The following ATG12 variants were observed in gnomAD, a reference collection of about 807,000 sequenced individuals.
ATG12 encodes the protein ubiquitin-like protein ATG12.
ATG12 carries 19 observed loss-of-function variants against 17.6 expected under a neutral mutation model. That is an observed-to-expected ratio of 1.08 (90% CI 0.75 to 1.58). ATG12 has a LOEUF of 1.58. Ranked by LOEUF, ATG12 falls within the 40% of genes most tolerant of loss-of-function variation. The probability of loss-of-function intolerance (pLI) is 0.00; values close to 1 mark genes in which losing one functional copy is unlikely to be tolerated. For missense variants in ATG12, 214 were observed against 162.0 expected, an observed-to-expected ratio of 1.32 and a Z score of -1.74; for synonymous variants, 75 against 62.4, an observed-to-expected ratio of 1.20 and a Z score of -0.95.
chr5:115,835,545 AT>A (rs1294781674), intron 2 of ATG12, among the ~76,000 whole-genome samples: 3 of 151,280 alleles, frequency 2.0e-5, no homozygotes, highest in Non-Finnish European at 4.4e-5. Context: ...TTCAATTTTC[AT>A]TTCACTTCCT....
At position 115,836,504 on chromosome 5, in the gene ATG12, G is replaced by A. The variant is rs191878033; in HGVS notation, c.300+1124C>T. Among the ~76,000 whole-genome samples the A allele has an allele frequency of 3.2e-3, 485 of 152,192 alleles. 1 individual carries two copies. Among genetic ancestry groups the A allele is most frequent in the South Asian group, 4.8e-3 (23 of 4,826 alleles). On this transcript the variant is annotated intron_variant, in intron 2 of 3. Coordinates refer to ENST00000509910, the MANE Select transcript of ATG12 (RefSeq NM_004707.4). ...TCCATTTAGCTTCACTTTTGTGAGA[G>A]CACTTGCAGCCAAACTCTTAGATCA...
intron 1 of ATG12, chr5:115,840,522 T>A: frequency 6.4e-6 from 6 of 933,346 alleles, no homozygotes; most frequent in South Asian, 1.5e-5. Context: ...GGTCTCGAAC[T>A]CTTGACCTCA....
intron 1 of ATG12, 131 bp from the exon 2 acceptor site, chr5:115,837,895 G>C: frequency 2.7e-6 from 2 of 731,244 alleles, no homozygotes; most frequent in Non-Finnish European, 4.0e-6. Context: ...GAAGATATGT[G>C]AGAGATGTAA....
intron 1 of ATG12, chr5:115,840,817 C>G (rs1761385073): frequency 3.3e-5 from 40 of 1,228,904 alleles, no homozygotes; most frequent in Non-Finnish European, 4.1e-5. Context: ...AAATAACTCA[C>G]AAAGGTTCCA....
At chr5:115,834,886 G>A (rs1336886551) in intron 2 of ATG12, 3 of 152,130 alleles carry the variant, frequency 2.0e-5, no homozygotes, top group Non-Finnish European at 4.4e-5. Flanking sequence ...TACTTCAGAT[G>A]TTTTTTCAAT....
Position 115,836,452 on chromosome 5 carries a change from A to C in ATG12, c.300+1176T>G, listed in dbSNP as rs116294242. Reference sequence around the variant, plus strand: ...ATGCAGCCTCTGCTCATTTCTCTCAAGTGTATGTCCTCATTCCCCTGACTT... The same window carrying C: ...ATGCAGCCTCTGCTCATTTCTCTCACGTGTATGTCCTCATTCCCCTGACTT... On this transcript the variant is annotated intron_variant, in intron 2 of 3. Transcript: ENST00000509910. 3.1e-3 allele frequency among the ~76,000 whole-genome samples: 467 copies of C among 152,260 alleles called. 3 individuals are homozygous for C. Among genetic ancestry groups the C allele is most frequent in the African/African-American group, 0.011 (446 of 41,540 alleles).
chr5:115,834,744 A>T (rs905973854), intron 2 of ATG12, among the ~76,000 whole-genome samples: 1 of 152,162 alleles, frequency 6.6e-6, no homozygotes, highest in Non-Finnish European at 1.5e-5. Context: ...CTTTGCTGTC[A>T]AAGTTTGACG....
At chr5:115,834,783 T>C (rs1010158203) in intron 2 of ATG12, 11 of 152,340 alleles carry the variant, frequency 7.2e-5, no homozygotes, top group African/African-American at 2.6e-4. Context: ...TCATGCCCTC[T>C]TTCCCGTCCC....
chr5:115,841,230 C>A (rs898882501), intron 1 of ATG12, 160 bp downstream of exon 1: 4 of 898,706 alleles, frequency 4.5e-6, no homozygotes, highest in South Asian at 1.5e-5. Flanking sequence ...AACTTAAAGG[C>A]CTTAAAAATC....
At chr5:115,841,003 T>C (rs1761409760) in intron 1 of ATG12, 2 of 678,374 alleles carry the variant, frequency 2.9e-6, no homozygotes, top group African/African-American at 1.9e-5. Context: ...GCTTTGCCAA[T>C]GACCACCCCT....
At position 115,831,358 on chromosome 5, in the gene ATG12, T is replaced by C. The variant is rs1467386977; in HGVS notation, c.*446A>G. 2 of 172,396 alleles carry C rather than the reference T, an allele frequency of 1.2e-5. No individual in the cohort carries two copies. The highest frequency in any genetic ancestry group is 1.8e-4 in the East Asian group (1 of 5,506). 10.7% of individuals were successfully genotyped at this position (172,396 alleles called of 1,614,324 possible). On this transcript the variant is annotated 3_prime_UTR_variant, in exon 4 of 4. Transcript: ENST00000509910. Reference sequence around the variant, plus strand: ...GGTGGACTGCCCTCTACTGGACTATTTGAGGTATTCAGCCAGCAGGTCAAT... The same window carrying C: ...GGTGGACTGCCCTCTACTGGACTATCTGAGGTATTCAGCCAGCAGGTCAAT...
chr5:115,841,562 A>T lies in ATG12; in HGVS notation c.-10T>A. 6.2e-7 allele frequency: 1 copy of T among 1,614,054 alleles called. No homozygotes were observed. The highest frequency in any genetic ancestry group is 8.5e-7 in the Non-Finnish European group (1 of 1,179,998). ...GCGGCTCCTCCGCCATCTTGCTTGG[A>T]GACACTCGAGAGCGGAAGTAGCGAC... On this transcript the variant is annotated 5_prime_UTR_variant, in exon 1 of 4. Transcript: ENST00000509910.
intron 1 of ATG12, chr5:115,840,486 T>C: frequency 1.9e-6 from 1 of 513,702 alleles, no homozygotes; most frequent in East Asian, 9.0e-5. Context: ...TTAGTAGAGA[T>C]GGAGTCTTAC....
Position 115,831,872 on chromosome 5 carries a change from A to G in ATG12, c.364-9T>C. On this transcript the variant is annotated splice_polypyrimidine_tract_variant and intron_variant, in intron 3 of 3. Coordinates refer to ENST00000509910, the MANE Select transcript of ATG12 (RefSeq NM_004707.4). ...CCATCACTGCCAAAACACTACAAAA[A>G]AAAAAGGCAATAAATCAAACTCAAT... 6.3e-7 allele frequency: 1 copy of G among 1,594,436 alleles called. No homozygotes were observed.
intron 2 of ATG12, among the ~76,000 whole-genome samples, chr5:115,835,415 C>G (rs1761052602): frequency 6.6e-6 from 1 of 152,124 alleles, no homozygotes; most frequent in Admixed American, 6.5e-5. Flanking sequence ...CAGAGCTCCC[C>G]TTGTTGTTTT....
chr5:115,841,417 C>T lies in ATG12; in HGVS notation c.136G>A (p.Glu46Lys). The T allele has an allele frequency of 6.2e-7, 1 of 1,610,526 alleles. No homozygotes were observed. Among genetic ancestry groups the T allele is most frequent in the Non-Finnish European group, 8.5e-7 (1 of 1,179,242 alleles). Reference protein sequence around the residue: ...SSAAVSPGTEEPAGDTKKKID... With the variant: ...SSAAVSPGTEKPAGDTKKKID... ...TTTTTCTTGGTGTCGCCAGCAGGTTCCTCTGTTCCCGGGGAAACTGCAGCG... is the reference window on the plus strand; with the variant it reads ...TTTTTCTTGGTGTCGCCAGCAGGTTTCTCTGTTCCCGGGGAAACTGCAGCG... Residue 46 changes from glutamate to lysine, a missense_variant, in exon 1 of 4, where the codon GAA (glutamate) becomes AAA (lysine). By Grantham distance (56) the Glu-to-Lys change is moderately conservative. Transcript: ENST00000509910.
intron 1 of ATG12, 97 bp downstream of exon 1, chr5:115,841,293 A>C: frequency 6.6e-7 from 1 of 1,512,490 alleles, no homozygotes; most frequent in Non-Finnish European, 9.0e-7. Context: ...GGTCTAGGAC[A>C]GGCGCTCCTC....
At chr5:115,835,145 C>T (rs191002832) in intron 2 of ATG12, 235 of 152,154 alleles carry the variant, frequency 1.5e-3, no homozygotes, top group African/African-American at 5.4e-3. Flanking sequence ...TAATGCTGAT[C>T]GTTTTTCTTT....
intron 2 of ATG12, among the ~76,000 whole-genome samples, chr5:115,836,222 A>G (rs1761092887): frequency 6.6e-6 from 1 of 152,208 alleles, no homozygotes; most frequent in Admixed American, 6.5e-5. Context: ...TGGCAATTTT[A>G]TATGGTTCAA....
Sources: allele counts gnomAD v4.1 joint callset (sites outside exome capture counted in the v4.1 genomes callset), GRCh38; gene constraint gnomAD v4.1.1; transcripts MANE v1.5; gene names NCBI Gene and HGNC (gene_info 2026-07-23, HGNC 2026-07-21).